Variants in ACKR2 observed in about 807,000 individuals in gnomAD.
ACKR2 encodes the protein atypical chemokine receptor 2.
For synonymous variants in ACKR2, 207 were observed against 192.2 expected (o/e 1.08, Z -0.64); for missense variants, 457 against 477.3 (o/e 0.96, Z 0.40).
At position 42,818,328 on chromosome 3, in the gene ACKR2, A is replaced by G. The variant is rs115796759; in HGVS notation, c.-118-1303A>G. On this transcript the variant is annotated intron_variant, in intron 1 of 2. Transcript: ENST00000422265. ...GAAAGCTGGGTCAATCCCTGATGCC[A>G]CTTCCTCCTTTCTTCACATCCAGCC... is the stretch of plus-strand genomic sequence containing the variant. Among the ~76,000 whole-genome samples the G allele has an allele frequency of 2.7e-3, 415 of 152,312 alleles. 2 individuals carry two copies. The highest frequency in any genetic ancestry group is 6.0e-3 in the South Asian group (29 of 4,830).
chr3:42,815,577 A>G (rs1235667965), intron 1 of ACKR2, among the ~76,000 whole-genome samples: 1 of 152,246 alleles, frequency 6.6e-6, no homozygotes, highest in African/African-American at 2.4e-5. Context: ...TCAAAGTTGT[A>G]TTTAAAACTT....
intron 2 of ACKR2, among the ~76,000 whole-genome samples, chr3:42,825,013 A>G (rs1423576304): frequency 2.6e-5 from 4 of 152,284 alleles, no homozygotes; most frequent in Non-Finnish European, 1.5e-5. Flanking sequence ...TGGAAAATCA[A>G]TTGGCCATGG....
intron 1 of ACKR2, among the ~76,000 whole-genome samples, chr3:42,813,814 T>C (rs1700719413): frequency 6.6e-6 from 1 of 152,220 alleles, no homozygotes; most frequent in Non-Finnish European, 1.5e-5. Context: ...TAGGAAGTTG[T>C]ATTTTGTTTT....
chr3:42,849,954 TA>T (rs1279877426), intron 2 of ACKR2, among the ~76,000 whole-genome samples: 3 of 152,188 alleles, frequency 2.0e-5, no homozygotes, highest in Admixed American at 2.0e-4. Context: ...CTGATGTTAA[TA>T]TTAGGGGAAG....
At chr3:42,851,549 AGGTG>A (rs1701159608) in intron 2 of ACKR2, 2 of 510,054 alleles carry the variant, frequency 3.9e-6, no homozygotes, top group African/African-American at 4.2e-5. Context: ...GAGTGGGCAC[AGGTG>A]CTGGGAAGAG....
rs1436636957 is a variant in ACKR2 at position 42,852,492 on chromosome 3, C to G, written c.-37-11974C>G. The G allele has an allele frequency of 6.6e-6, 1 of 152,248 alleles. No individual in the cohort carries two copies. The highest frequency in any genetic ancestry group is 1.5e-5 in the Non-Finnish European group (1 of 68,064). 9.4% of individuals were successfully genotyped at this position (152,248 alleles called of 1,614,324 possible). A position where few individuals can be genotyped will look rare whatever the true frequency, so the allele number is the denominator to read the frequency against. On this transcript the variant is annotated intron_variant, in intron 2 of 2. Coordinates refer to ENST00000422265, the MANE Select transcript of ACKR2 (RefSeq NM_001296.5). This position sits in a 1 kb window ranked among gnomAD's most constrained non-coding sequence, Gnocchi z 4.3. The stretch of plus-strand genomic sequence containing the variant: ...GATTTTATATATGTCACAAACATCT[C>G]TATCTCCTGACCAGGCCAGGAAACA...
chr3:42,841,860 T>G (rs1456611041), intron 2 of ACKR2: 1 of 152,244 alleles, frequency 6.6e-6, no homozygotes. Context: ...GGGTTGAGAC[T>G]GGGATGGGCA....
At chr3:42,815,737 G>C (rs987169761) in intron 1 of ACKR2, among the ~76,000 whole-genome samples, 3 of 152,160 alleles carry the variant, frequency 2.0e-5, no homozygotes, top group African/African-American at 7.2e-5. Context: ...CATCATATCC[G>C]ACCATGTTCT....
chr3:42,856,893 C>T (rs911711703), intron 2 of ACKR2, among the ~76,000 whole-genome samples: 1 of 102,478 alleles, frequency 9.8e-6, no homozygotes, highest in African/African-American at 2.7e-5. Context: ...CCCTGTCTTT[C>T]TCCTGGAACA....
intron 2 of ACKR2, among the ~76,000 whole-genome samples, chr3:42,840,145 A>G (rs1701021744): frequency 6.6e-6 from 1 of 151,046 alleles, no homozygotes; most frequent in African/African-American, 2.4e-5. Flanking sequence ...CTGTAGTCCC[A>G]GCTACTCGGG....
intron 2 of ACKR2, among the ~76,000 whole-genome samples, chr3:42,824,979 A>G (rs1236141322): frequency 1.3e-5 from 2 of 151,922 alleles, no homozygotes; most frequent in African/African-American, 4.8e-5. Flanking sequence ...TTTTTGAATT[A>G]TAGCCATCCC....
chr3:42,844,611 G>A (rs1261399272), intron 2 of ACKR2, among the ~76,000 whole-genome samples: 3 of 152,196 alleles, frequency 2.0e-5, no homozygotes, highest in Non-Finnish European at 4.4e-5. Flanking sequence ...GGGAGCTCTG[G>A]TAGACGAGGG....
At chr3:42,823,681 A>G (rs1700832675) in intron 2 of ACKR2, among the ~76,000 whole-genome samples, 2 of 152,238 alleles carry the variant, frequency 1.3e-5, no homozygotes, top group Admixed American at 1.3e-4. Flanking sequence ...TCAGCTTTGT[A>G]TATGCCCTGA....
In ACKR2 at chr3:42,854,171, G is replaced by A. The variant is rs150630060; in HGVS notation, c.-37-10295G>A. 8.8e-3 allele frequency among the ~76,000 whole-genome samples: 1,342 copies of A among 152,304 alleles called. 19 individuals carry two copies. The highest frequency in any genetic ancestry group is 0.031 in the African/African-American group (1,277 of 41,550). ...AAGCTCTGTGGGGGCCTGATCAGGG[G>A]AATGCTGGTGAAGGTTTGACAAGAA... On this transcript the variant is annotated intron_variant, in intron 2 of 2. Coordinates refer to ENST00000422265, the MANE Select transcript of ACKR2 (RefSeq NM_001296.5).
At position 42,849,358 on chromosome 3, in the gene ACKR2, C is replaced by T. The variant is rs372911624; in HGVS notation, c.-37-15108C>T. Among the ~76,000 whole-genome samples the T allele has an allele frequency of 2.5e-4, 38 of 152,012 alleles. No individual in the cohort carries two copies. In the South Asian group the frequency reaches 3.5e-3, roughly 14 times the overall value. ...CTCTATTAAAAATACAAAGATTAGC[C>T]GGGCATGGTGGTGGGCACCTGTAAT... On this transcript the variant is annotated intron_variant, in intron 2 of 2. Coordinates refer to ENST00000422265, the MANE Select transcript of ACKR2 (RefSeq NM_001296.5).
chr3:42,840,092 A>G (rs1441479212), intron 2 of ACKR2, among the ~76,000 whole-genome samples: 3 of 151,852 alleles, frequency 2.0e-5, no homozygotes, highest in Non-Finnish European at 2.9e-5. Flanking sequence ...CCTCGTCTCT[A>G]CTAAAAATAC....
At chr3:42,857,750 A>G (rs2088336657) in intron 2 of ACKR2, among the ~76,000 whole-genome samples, 1 of 152,246 alleles carries the variant, frequency 6.6e-6, no homozygotes, top group Admixed American at 6.5e-5. Flanking sequence ...AAAATTCTCA[A>G]AAAGCAAGGG....
intron 2 of ACKR2, among the ~76,000 whole-genome samples, chr3:42,834,021 G>A (rs1700959477): frequency 6.6e-6 from 1 of 152,066 alleles, no homozygotes; most frequent in Admixed American, 6.5e-5. Flanking sequence ...GGAGTGCAGT[G>A]GTGCGATCTT....
rs1553702146 is a variant in ACKR2, at chr3:42,865,178, A to G, written c.676A>G (p.Met226Val). The G allele has an allele frequency of 1.2e-6, 2 of 1,613,960 alleles. No individual in the cohort carries two copies. The highest frequency in any genetic ancestry group is 1.6e-4 in the Middle Eastern group (1 of 6,062). ...LLGFLLPLLA[M>V]IFFYSRIGCV... is the part of the protein sequence containing the mutation. ...AGGGTTTCTCCTTCCACTCCTTGCC[A>G]TGATCTTCTTCTACTCCCGTATTGG... The change falls in exon 3 of 3, where the codon ATG becomes GTG. Residue 226 changes from methionine (M) to valine (V), a missense_variant. Transcript: ENST00000422265.
Sources: gnomAD v4.1 joint callset for allele counts (sites outside exome capture counted in the v4.1 genomes callset) on GRCh38, gnomAD v4.1.1 for gene constraint, Gnocchi (gnomAD v3.1) non-coding constraint, MANE v1.5 for transcripts, NCBI Gene and HGNC (gene_info 2026-07-23, HGNC 2026-07-21) for gene names.